SYN3: variants seen among roughly 807,000 people sequenced by gnomAD.
The protein encoded by SYN3 is synapsin III.
A neutral mutation model predicts 65.8 loss-of-function variants in SYN3; 35 were observed. That is an observed-to-expected ratio of 0.53 (90% CI 0.41 to 0.70). SYN3 has a LOEUF of 0.70. SYN3 is among the 30% of genes least tolerant of loss of function. The pLI is 0.00. For missense variants in SYN3, 680 were observed against 749.0 expected (o/e 0.91, Z 1.08); for synonymous variants, 270 against 292.9 (o/e 0.92, Z 0.80).
At position 32,566,140 on chromosome 22, in the gene SYN3, G is replaced by GC. The variant is rs528243872; in HGVS notation, c.775-24428dup. Among the ~76,000 whole-genome samples, 288 of 152,186 alleles carry GC rather than the reference G, an allele frequency of 1.9e-3. 1 individual carries two copies. The highest frequency in any genetic ancestry group is 7.4e-3 in the Admixed American group (113 of 15,286). ...TTACAGGTGTGAGCCACTGCACCTG[G>GC]CCAGGGTATTTTGTTTAACCCGATA... is the stretch of plus-strand genomic sequence containing the variant. On this transcript the variant is annotated intron_variant, in intron 7 of 13. Coordinates refer to ENST00000358763, the MANE Select transcript of SYN3 (RefSeq NM_003490.4).
rs1231404730 is a variant in SYN3 at position 32,849,606 on chromosome 22, G to A, written c.711+15309C>T. ...GCCAGAAGAGTCCTGGCTAAGGGAG[G>A]CAAAGTGGGTTGGAACTGGGGTGTG... On this transcript the variant is annotated intron_variant, in intron 6 of 13. Transcript: ENST00000358763. The A allele has an allele frequency of 2.2e-6, 3 of 1,394,438 alleles. No individual in the cohort carries two copies. The African/African-American group carries it at 4.3e-5, about 20-fold the overall frequency. 86.4% of individuals were successfully genotyped at this position (1,394,438 alleles called of 1,614,324 possible).
chr22:32,833,568 C>T (rs1415351799), intron 6 of SYN3, among the ~76,000 whole-genome samples: 2 of 152,182 alleles, frequency 1.3e-5, no homozygotes, highest in Non-Finnish European at 2.9e-5. Flanking sequence ...CCCACCCAAC[C>T]TAAAGTCTGT....
chr22:32,673,840 G>A (rs966782083), intron 6 of SYN3, among the ~76,000 whole-genome samples: 24 of 152,228 alleles, frequency 1.6e-4, no homozygotes, highest in South Asian at 6.2e-4. Context: ...AGAAATGAGC[G>A]TGGCTCTGAT....
chr22:32,829,135 G>A (rs1272350403), intron 6 of SYN3, among the ~76,000 whole-genome samples: 1 of 152,138 alleles, frequency 6.6e-6, no homozygotes, highest in Non-Finnish European at 1.5e-5. Flanking sequence ...AAGAGGAACT[G>A]CTTAATTCAG....
intron 6 of SYN3, among the ~76,000 whole-genome samples, chr22:32,722,724 T>C (rs1286912415): frequency 1.3e-5 from 2 of 152,194 alleles, no homozygotes; most frequent in Admixed American, 6.5e-5. Flanking sequence ...TCAAGGCTGC[T>C]AAGAAGTCAC....
intron 13 of SYN3, among the ~76,000 whole-genome samples, chr22:32,515,330 C>T (rs1463929099): frequency 6.6e-6 from 1 of 152,204 alleles, no homozygotes; most frequent in Admixed American, 6.5e-5. Context: ...GTGGCAGCAG[C>T]ATTCTAAGCA....
At chr22:32,957,994 G>A (rs2051520782) in intron 3 of SYN3, among the ~76,000 whole-genome samples, 1 of 152,140 alleles carries the variant, frequency 6.6e-6, no homozygotes, top group South Asian at 2.1e-4. Context: ...ACCCACCTGT[G>A]GCAAATGCAT....
At chr22:32,864,002 T>C (rs969346880) in intron 6 of SYN3, among the ~76,000 whole-genome samples, 1 of 152,150 alleles carries the variant, frequency 6.6e-6, no homozygotes, top group Non-Finnish European at 1.5e-5. Flanking sequence ...AGGGGAAAGA[T>C]CATCAATAGA....
At chr22:33,042,501 C>T (rs1291258025) in intron 1 of SYN3, among the ~76,000 whole-genome samples, 2 of 152,192 alleles carry the variant, frequency 1.3e-5, no homozygotes, top group Non-Finnish European at 2.9e-5. Flanking sequence ...GAAGAAAGTA[C>T]ACTGGCTGCT....
At chr22:33,031,096 G>T (rs1165386414) in intron 1 of SYN3, among the ~76,000 whole-genome samples, 1 of 152,204 alleles carries the variant, frequency 6.6e-6, no homozygotes, top group Non-Finnish European at 1.5e-5. Flanking sequence ...ACCTTCAGTT[G>T]CCCACGGCCC....
At chr22:32,981,860 T>G (rs2052384062) in intron 2 of SYN3, among the ~76,000 whole-genome samples, 2 of 152,166 alleles carry the variant, frequency 1.3e-5, no homozygotes, top group African/African-American at 4.8e-5. Context: ...TCATGTTATC[T>G]TCACATATAT....
At chr22:32,558,181 T>G (rs1384298134) in intron 7 of SYN3, among the ~76,000 whole-genome samples, 1 of 152,218 alleles carries the variant, frequency 6.6e-6, no homozygotes, top group Non-Finnish European at 1.5e-5. Flanking sequence ...CTCTCCTTCC[T>G]GGAGCAAGTG....
intron 7 of SYN3, among the ~76,000 whole-genome samples, chr22:32,589,593 A>ACTGCC (rs2059100525): frequency 2.0e-5 from 3 of 152,172 alleles, no homozygotes; most frequent in Non-Finnish European, 4.4e-5. Context: ...AGTGATGAGA[A>ACTGCC]CCTCTTACCT....
intron 7 of SYN3, among the ~76,000 whole-genome samples, chr22:32,563,793 C>T (rs551178410): frequency 6.6e-6 from 1 of 152,302 alleles, no homozygotes; most frequent in East Asian, 1.9e-4. Flanking sequence ...CCTCAGCTTC[C>T]TGAGTAGCTG....
At chr22:32,803,545 A>G (rs1202077158) in intron 6 of SYN3, among the ~76,000 whole-genome samples, 1 of 152,214 alleles carries the variant, frequency 6.6e-6, no homozygotes, top group Admixed American at 6.5e-5. Flanking sequence ...GGGGGAACCC[A>G]GCTGGCCCAG....
chr22:32,740,635 G>A (rs942368649), intron 6 of SYN3, among the ~76,000 whole-genome samples: 2 of 152,222 alleles, frequency 1.3e-5, no homozygotes, highest in African/African-American at 4.8e-5. Context: ...TAGGAGTTTG[G>A]ACATAACCCT....
chr22:32,549,016 G>A (rs1817062420), intron 7 of SYN3, among the ~76,000 whole-genome samples: 1 of 152,092 alleles, frequency 6.6e-6, no homozygotes, highest in African/African-American at 2.4e-5. Flanking sequence ...CTGGAGGGAT[G>A]TTGGGATGGT....
intron 4 of SYN3, among the ~76,000 whole-genome samples, chr22:32,915,398 G>A (rs545106383): frequency 5.3e-5 from 8 of 152,346 alleles, no homozygotes; most frequent in African/African-American, 1.4e-4. Flanking sequence ...TCTGGTGCCA[G>A]AGGTTGGGTA....
intron 6 of SYN3, among the ~76,000 whole-genome samples, chr22:32,710,560 GAGGCAGAGGTTACA>G (rs2060947221): frequency 6.7e-6 from 1 of 149,932 alleles, no homozygotes. Context: ...TTGAGCCTGG[GAGGCAGAGGTTACA>G]GTGAGTTGAG....
Sources: gnomAD v4.1 joint callset for allele counts (sites outside exome capture counted in the v4.1 genomes callset) on GRCh38, gnomAD v4.1.1 for gene constraint, MANE v1.5 for transcripts, NCBI Gene and HGNC (gene_info 2026-07-23, HGNC 2026-07-21) for gene names.